Variants in SEC61A2 observed in about 807,000 individuals in gnomAD.
SEC61A2 encodes SEC61 translocon subunit alpha 2, also known as protein transport protein Sec61 subunit alpha isoform 2.
SEC61A2 carries 28 observed loss-of-function variants against 59.9 expected under a neutral mutation model. The observed-to-expected ratio is 0.47, with a 90% CI of 0.35 to 0.64. SEC61A2 has a LOEUF of 0.64. Among genes scored for constraint, SEC61A2 ranks in the 30% least tolerant of loss-of-function variants. The pLI is 0.01. For synonymous variants in SEC61A2, 202 were observed against 214.4 expected (o/e 0.94, Z 0.50); for missense variants, 340 against 585.9 (o/e 0.58, Z 4.33).
chr10:12,169,785 A>T, downstream of SEC61A2: 1 of 267,466 alleles, frequency 3.7e-6, no homozygotes, highest in Non-Finnish European at 7.0e-6. The surrounding 1 kb of genome is among the most constrained non-coding windows in gnomAD (Gnocchi z 4.8). Flanking sequence ...CGCTCTGCTT[A>T]TTCACTGAAA....
In SEC61A2 at chr10:12,161,276, T is replaced by TA. The variant is rs1208829111; in HGVS notation, c.1167+162dup. Among the ~76,000 whole-genome samples, 3 of 151,760 alleles carry TA rather than the reference T, an allele frequency of 2.0e-5. No individual in the cohort carries two copies. The highest frequency in any genetic ancestry group is 2.9e-5 in the Non-Finnish European group (2 of 67,960). On this transcript the variant is annotated intron_variant, in intron 10 of 11. Transcript: ENST00000298428. This position sits in a 1 kb window ranked among gnomAD's most constrained non-coding sequence, Gnocchi z 5.4. ...CAACATAGCGAGACCCCGTCATGACTAAAAAAATACAAATAAAAATCGGCC... is the reference window on the plus strand; with the variant it reads ...CAACATAGCGAGACCCCGTCATGACTAAAAAAAATACAAATAAAAATCGGCC...
Position 12,158,177 on chromosome 10 carries a change from A to C in SEC61A2, c.975+72A>C. 1 of 1,210,242 alleles carries C rather than the reference A, an allele frequency of 8.3e-7. No individual in the cohort carries two copies. 75.0% of individuals were successfully genotyped at this position (1,210,242 alleles called of 1,614,324 possible). On this transcript the variant is annotated intron_variant, in intron 9 of 11. Coordinates refer to ENST00000298428, the MANE Select transcript of SEC61A2 (RefSeq NM_018144.4). This position sits in a 1 kb window ranked among gnomAD's most constrained non-coding sequence, Gnocchi z 5.7. ...CATTTCATGGTTGTATTTTTAATGG[A>C]ATGAGGTCGACATTGGAGCATTTGC... is the stretch of plus-strand genomic sequence containing the variant.
Position 12,156,893 on chromosome 10 carries a change from T to C in SEC61A2, c.617-14T>C, listed in dbSNP as rs560425166. On this transcript the variant is annotated splice_polypyrimidine_tract_variant and intron_variant, in intron 7 of 11. Transcript: ENST00000298428. This position sits in a 1 kb window ranked among gnomAD's most constrained non-coding sequence, Gnocchi z 5.2. Reference sequence around the variant, plus strand: ...ACGATGAGTCCACAGGTCGTGTCTGTCTTGATTTTACAGGTACTGAGTTTG... The same window carrying C: ...ACGATGAGTCCACAGGTCGTGTCTGCCTTGATTTTACAGGTACTGAGTTTG... 1 of 1,613,024 alleles carries C rather than the reference T, an allele frequency of 6.2e-7. No individual in the cohort carries two copies. The highest frequency in any genetic ancestry group is 1.1e-5 in the South Asian group (1 of 90,938).
At position 12,164,578 on chromosome 10, in the gene SEC61A2, C is replaced by G; in HGVS notation, c.*124C>G. On this transcript the variant is annotated 3_prime_UTR_variant, in exon 12 of 12. Transcript: ENST00000298428. The surrounding 1 kb of genome is among the most constrained non-coding windows in gnomAD (Gnocchi z 7.3). ...GTTTCTTGTTTCGAGTGCTGACTGA[C>G]CCGTTTCTGAAATGGGCACCGAGCT... The G allele has an allele frequency of 6.8e-7, 1 of 1,471,444 alleles. No individual in the cohort carries two copies. The highest frequency in any genetic ancestry group is 9.0e-7 in the Non-Finnish European group (1 of 1,117,212). 91.1% of individuals were successfully genotyped at this position (1,471,444 alleles called of 1,614,324 possible). A position where few individuals can be genotyped will look rare whatever the true frequency, so the allele number is the denominator to read the frequency against.
intron 3 of SEC61A2, among the ~76,000 whole-genome samples, chr10:12,138,078 C>T (rs1053471810): frequency 4.0e-5 from 6 of 151,684 alleles, no homozygotes; most frequent in Non-Finnish European, 7.4e-5. Flanking sequence ...TTGGGGAGTT[C>T]GAAAATCTAT....
In SEC61A2 at chr10:12,143,026, C is replaced by T. The variant is rs1834057420; in HGVS notation, c.142-91C>T. On this transcript the variant is annotated intron_variant, in intron 3 of 11. Coordinates refer to ENST00000298428, the MANE Select transcript of SEC61A2 (RefSeq NM_018144.4). The surrounding 1 kb of genome is among the most constrained non-coding windows in gnomAD (Gnocchi z 4.8). Reference sequence around the variant, plus strand: ...GGAGTGCAGTGGCGTGATCTCAGCTCACTGCAGCCTTTGCCTCCTGGGTTC... The same window carrying T: ...GGAGTGCAGTGGCGTGATCTCAGCTTACTGCAGCCTTTGCCTCCTGGGTTC... 1 of 921,984 alleles carries T rather than the reference C, an allele frequency of 1.1e-6. No homozygotes were observed. The highest frequency in any genetic ancestry group is 1.6e-5 in the African/African-American group (1 of 61,630). The allele number at this position is 921,984 out of a possible 1,614,324, so 57.1% of individuals were successfully genotyped here. A position where few individuals can be genotyped will look rare whatever the true frequency, so the allele number is the denominator to read the frequency against.
intron 2 of SEC61A2, among the ~76,000 whole-genome samples, chr10:12,133,747 T>A (rs1186379955): frequency 6.6e-6 from 1 of 152,236 alleles, no homozygotes; most frequent in East Asian, 1.9e-4. Context: ...AATATATACC[T>A]CCCATTTCTT....
chr10:12,134,753 T>A (rs1833845915), intron 2 of SEC61A2, among the ~76,000 whole-genome samples: 1 of 151,570 alleles, frequency 6.6e-6, no homozygotes, highest in Admixed American at 6.6e-5. Flanking sequence ...CCGACTCTAC[T>A]AAAAATACAA....
chr10:12,164,526 T>C lies in SEC61A2; in HGVS notation c.*72T>C. The C allele has an allele frequency of 6.5e-7, 1 of 1,544,072 alleles. No individual in the cohort carries two copies. Among genetic ancestry groups the C allele is most frequent in the Non-Finnish European group, 8.7e-7 (1 of 1,148,132 alleles). The stretch of plus-strand genomic sequence containing the variant: ...ACGGATCGTTTTTGTCAGATGACAC[T>C]GGTGGCTCCCCTTTTCTCCCCTCAC... On this transcript the variant is annotated 3_prime_UTR_variant, in exon 12 of 12. Coordinates refer to ENST00000298428, the MANE Select transcript of SEC61A2 (RefSeq NM_018144.4). The surrounding 1 kb of genome is among the most constrained non-coding windows in gnomAD (Gnocchi z 7.3).
At chr10:12,146,816 C>G (rs1834151244) in intron 4 of SEC61A2, among the ~76,000 whole-genome samples, 1 of 152,172 alleles carries the variant, frequency 6.6e-6, no homozygotes, top group African/African-American at 2.4e-5. Flanking sequence ...CCGCGCCCAG[C>G]CAGTTTGTTC....
In SEC61A2 at chr10:12,149,345, T is replaced by C. The variant is rs1834224276; in HGVS notation, c.221-250T>C. On this transcript the variant is annotated intron_variant, in intron 4 of 11. Coordinates refer to ENST00000298428, the MANE Select transcript of SEC61A2 (RefSeq NM_018144.4). This position sits in a 1 kb window ranked among gnomAD's most constrained non-coding sequence, Gnocchi z 5.2. ...CTCAGGTGATCCACACACCTCGGCC[T>C]CCCAAAGTGTGGGGACTGCAGGCGT... 6.6e-6 allele frequency among the ~76,000 whole-genome samples: 1 copy of C among 152,170 alleles called. No homozygotes were observed. The highest frequency in any genetic ancestry group is 1.5e-5 in the Non-Finnish European group (1 of 68,026).
chr10:12,162,318 G>A lies in SEC61A2; in HGVS notation c.1244+29G>A. 1 of 1,549,590 alleles carries A rather than the reference G, an allele frequency of 6.5e-7. No homozygotes were observed. Among genetic ancestry groups the A allele is most frequent in the Non-Finnish European group, 8.9e-7 (1 of 1,122,344 alleles). On this transcript the variant is annotated intron_variant, in intron 11 of 11. Coordinates refer to ENST00000298428, the MANE Select transcript of SEC61A2 (RefSeq NM_018144.4). This position sits in a 1 kb window ranked among gnomAD's most constrained non-coding sequence, Gnocchi z 6.1. The stretch of plus-strand genomic sequence containing the variant: ...AGGCTGCTAGACTGACACCTTTATA[G>A]GCCTGTGTTTGTGTTTCAGTCTTTC...
Position 12,157,994 on chromosome 10 carries a change from C to T in SEC61A2, c.864C>T (p.Asn288=). The change falls in exon 9 of 12, where the codon AAC becomes AAT. Residue 288 remains asparagine, a synonymous_variant. Transcript: ENST00000298428. ...SYPIKLFYTS[N]IPIILQSALV... ...CCATCAAACTCTTCTACACCTCCAA[C>T]ATCCCCATCATCCTCCAGTCGGCCC... is the stretch of plus-strand genomic sequence containing the variant. The T allele has an allele frequency of 6.2e-7, 1 of 1,614,184 alleles. No homozygotes were observed. Among genetic ancestry groups the T allele is most frequent in the Non-Finnish European group, 8.5e-7 (1 of 1,180,022 alleles).
At chr10:12,168,577 A>C (rs1054012135), downstream of SEC61A2, among the ~76,000 whole-genome samples, 1 of 152,142 alleles carries the variant, frequency 6.6e-6, no homozygotes, top group Non-Finnish European at 1.5e-5. This position sits in a 1 kb window ranked among gnomAD's most constrained non-coding sequence, Gnocchi z 4.8. Flanking sequence ...ACAGGCTTTC[A>C]TTAAAATTTG....
chr10:12,165,458 C>T, downstream of SEC61A2: 1 of 654,966 alleles, frequency 1.5e-6, no homozygotes, highest in Non-Finnish European at 1.9e-6. Flanking sequence ...AGAAGTCCAC[C>T]CTGAGATGCC....
intron 2 of SEC61A2, 122 bp from the exon 3 acceptor site, chr10:12,135,983 A>G (rs987300893): frequency 1.1e-5 from 8 of 712,354 alleles, no homozygotes; most frequent in East Asian, 2.5e-5. Flanking sequence ...TTTATAACAC[A>G]TAACGGACAT....
rs1833943691 is a variant in SEC61A2, at chr10:12,138,744, C to A, written c.141+2574C>A. Reference sequence around the variant, plus strand: ...TACTGTTCTGATGTTGAAGTTATCACAGTTTATTCATTCATTCGCTTGTTA... The same window carrying A: ...TACTGTTCTGATGTTGAAGTTATCAAAGTTTATTCATTCATTCGCTTGTTA... On this transcript the variant is annotated intron_variant, in intron 3 of 11. Transcript: ENST00000298428. Among the ~76,000 whole-genome samples, 9 of 152,340 alleles carry A rather than the reference C, an allele frequency of 5.9e-5. No homozygotes were observed. The South Asian group carries it at 1.9e-3, about 32-fold the overall frequency.
intron 1 of SEC61A2, among the ~76,000 whole-genome samples, chr10:12,132,225 CG>C (rs982883087): frequency 6.7e-6 from 1 of 149,018 alleles, no homozygotes; most frequent in Non-Finnish European, 1.5e-5. Context: ...CACTTGAACC[CG>C]GGGGGCGGAG....
downstream of SEC61A2, chr10:12,165,739 G>A (rs541881762): frequency 1.3e-5 from 2 of 152,152 alleles, no homozygotes; most frequent in Non-Finnish European, 2.9e-5. Flanking sequence ...TTTCATTGCT[G>A]TTTAGTTTCT....
Sources: gnomAD v4.1 joint callset for allele counts (sites outside exome capture counted in the v4.1 genomes callset) on GRCh38, gnomAD v4.1.1 for gene constraint, Gnocchi (gnomAD v3.1) non-coding constraint, MANE v1.5 for transcripts, NCBI Gene and HGNC (gene_info 2026-07-23, HGNC 2026-07-21) for gene names.